Variants in FGL1 observed in about 807,000 individuals in gnomAD.
FGL1 encodes fibrinogen like 1.
A neutral mutation model predicts 43.7 loss-of-function variants in FGL1; 59 were observed. That is an observed-to-expected ratio of 1.35 (90% CI 1.10 to 1.68). The LOEUF (loss-of-function observed/expected upper bound fraction) is 1.68, where lower values mean the gene tolerates loss of function less well. FGL1 is among the 40% of genes most tolerant of loss of function. The pLI, the probability that FGL1 is intolerant of heterozygous loss-of-function variation, is 0.00. For synonymous variants in FGL1, 192 were observed against 126.5 expected (o/e 1.52, Z -3.48); for missense variants, 596 against 373.0 (o/e 1.60, Z -4.92).
At chr8:17,869,039 A>C (rs748241020) in intron 5 of FGL1, 35 bp from the exon 6 acceptor site, 6 of 1,346,378 alleles carry the variant, frequency 4.5e-6, no homozygotes, top group Non-Finnish European at 6.3e-6. Context: ...ATTTTTAAAA[A>C]TGTGTGACAT....
rs369694814 is a variant in FGL1 at position 17,874,529 on chromosome 8, T to C, written c.245-8A>G. 45 of 1,601,750 alleles carry C rather than the reference T, an allele frequency of 2.8e-5. No homozygotes were observed. The African/African-American group carries it at 5.9e-4, about 21-fold the overall frequency. On this transcript the variant is annotated splice_region_variant and splice_polypyrimidine_tract_variant and intron_variant, in intron 3 of 7. Coordinates refer to ENST00000427924, the MANE Select transcript of FGL1 (RefSeq NM_004467.4). ...TGAAAATCTCTGAACAATCTGTTTT[T>C]AAAACAAGGTAATGTAACATTCATT...
At chr8:17,882,210 C>A in intron 2 of FGL1, 31 bp from the exon 3 acceptor site, 2 of 1,548,402 alleles carry the variant, frequency 1.3e-6, no homozygotes, top group South Asian at 1.2e-5. Context: ...GATGAGTATG[C>A]ACCTCATTTT....
chr8:17,875,477 A>G (rs2053430158), intron 3 of FGL1, among the ~76,000 whole-genome samples: 1 of 143,856 alleles, frequency 7.0e-6, no homozygotes, highest in Non-Finnish European at 1.5e-5. Context: ...CCAAAAAGTG[A>G]TATCTCTTTC....
chr8:17,865,918 G>A (rs1235043666), intron 7 of FGL1, among the ~76,000 whole-genome samples: 2 of 152,210 alleles, frequency 1.3e-5, no homozygotes, highest in African/African-American at 2.4e-5. Flanking sequence ...GAGCGTTCTC[G>A]AAGTCCTCCT....
chr8:17,875,481 C>CTCTTTCTT lies in FGL1; in HGVS notation c.245-968_245-961dup, dbSNP rs1172572579. Among the ~76,000 whole-genome samples, 827 of 129,664 alleles carry CTCTTTCTT rather than the reference C, an allele frequency of 6.4e-3. 33 individuals are homozygous for CTCTTTCTT. The highest frequency in any genetic ancestry group is 0.013 in the South Asian group (47 of 3,662). 85.1% of individuals were successfully genotyped at this position (129,664 alleles called of 152,430 possible). A position where few individuals can be genotyped will look rare whatever the true frequency, so the allele number is the denominator to read the frequency against. On this transcript the variant is annotated intron_variant, in intron 3 of 7. Transcript: ENST00000427924. ...CCCCTTTGTCACCAAAAAGTGATAT[C>CTCTTTCTT]TCTTTCTTTCTTTCTTTCTTTCTTT...
At chr8:17,881,782 C>A (rs2053539811) in intron 3 of FGL1, among the ~76,000 whole-genome samples, 2 of 143,684 alleles carry the variant, frequency 1.4e-5, no homozygotes, top group African/African-American at 5.2e-5. Flanking sequence ...TGCAGTGAGC[C>A]AAAATTGCAC....
intron 3 of FGL1, among the ~76,000 whole-genome samples, chr8:17,875,608 T>TC (rs1554564427): frequency 6.7e-6 from 1 of 148,170 alleles, no homozygotes; most frequent in African/African-American, 2.5e-5. Context: ...TTTCTTTCTT[T>TC]CTTTCTTTTC....
At chr8:17,877,466 A>G (rs1382645313) in intron 3 of FGL1, among the ~76,000 whole-genome samples, 1 of 152,172 alleles carries the variant, frequency 6.6e-6, no homozygotes, top group Non-Finnish European at 1.5e-5. Context: ...GCTGAGGCAC[A>G]AAGCTGAGAA....
intron 5 of FGL1, among the ~76,000 whole-genome samples, chr8:17,872,373 G>A (rs1314533544): frequency 6.7e-6 from 1 of 148,856 alleles, no homozygotes. Context: ...CGCAATCTTG[G>A]CTCACTGCAA....
chr8:17,867,714 G>A (rs892035857), intron 7 of FGL1, among the ~76,000 whole-genome samples: 11 of 152,070 alleles, frequency 7.2e-5, no homozygotes, highest in African/African-American at 2.7e-4. Flanking sequence ...TAGACAGAGG[G>A]GTGACCCACC....
chr8:17,872,405 C>T (rs1385143079), intron 5 of FGL1, among the ~76,000 whole-genome samples: 1 of 151,554 alleles, frequency 6.6e-6, no homozygotes, highest in Non-Finnish European at 1.5e-5. Context: ...TGGGTTCAAG[C>T]AATTCTCCTG....
At chr8:17,868,492 G>A in intron 7 of FGL1, 56 bp downstream of exon 7, 4 of 1,288,842 alleles carry the variant, frequency 3.1e-6, no homozygotes, top group South Asian at 1.7e-5. Flanking sequence ...GATAATTAAT[G>A]TCTATCAGTG....
chr8:17,884,749 A>T (rs1274860613), intron 2 of FGL1, among the ~76,000 whole-genome samples: 1 of 152,180 alleles, frequency 6.6e-6, no homozygotes, highest in Non-Finnish European at 1.5e-5. Context: ...AATCTTTATG[A>T]GATTGCATAC....
intron 1 of FGL1, among the ~76,000 whole-genome samples, chr8:17,886,251 A>G (rs552128028): frequency 2.4e-4 from 36 of 152,308 alleles, no homozygotes; most frequent in African/African-American, 8.4e-4. Context: ...TTTTACTGGA[A>G]AACAATGGGC....
intron 2 of FGL1, chr8:17,882,715 T>C (rs536270542): frequency 5.0e-4 from 69 of 137,290 alleles, no homozygotes; most frequent in African/African-American, 1.7e-3. Context: ...TTATATATTA[T>C]ATATATTATA....
intron 1 of FGL1, among the ~76,000 whole-genome samples, chr8:17,893,326 A>G (rs1277842744): frequency 6.6e-6 from 1 of 152,026 alleles, no homozygotes; most frequent in African/African-American, 2.4e-5. Context: ...GCTCTGAATG[A>G]TGCACCTATA....
chr8:17,872,302 T>TTTATTATTATTATTATTATTATTA (rs10528958), intron 5 of FGL1, among the ~76,000 whole-genome samples: 8,760 of 146,776 alleles, frequency 0.06, 428 homozygotes, highest in African/African-American at 0.12. Context: ...TCTTAATTAC[T>TTTATTATTATTATTATTATTATTA]TTATTATTAT....
At chr8:17,885,263 G>GCAA (rs2053611040) in intron 2 of FGL1, among the ~76,000 whole-genome samples, 1 of 151,834 alleles carries the variant, frequency 6.6e-6, no homozygotes, top group South Asian at 2.1e-4. Context: ...CAGGCTGGTT[G>GCAA]CGAACTCCTG....
intron 3 of FGL1, among the ~76,000 whole-genome samples, chr8:17,881,138 A>ATTTT (rs34570292): frequency 5.6e-5 from 8 of 142,962 alleles, no homozygotes; most frequent in African/African-American, 2.2e-4. Context: ...GTGTACACGG[A>ATTTT]TTTTTTTTTT....
Sources: gnomAD v4.1 joint callset for allele counts (sites outside exome capture counted in the v4.1 genomes callset) on GRCh38, gnomAD v4.1.1 for gene constraint, MANE v1.5 for transcripts, NCBI Gene and HGNC (gene_info 2026-07-23, HGNC 2026-07-21) for gene names.